Variants in CELF4 observed in about 807,000 individuals in gnomAD.
CELF4 encodes CUG-BP- and ETR-3-like factor 4.
CELF4 carries 18 observed loss-of-function variants against 59.9 expected under a neutral mutation model. The ratio of observed to expected loss-of-function variants is 0.30; its 90% CI spans 0.21 to 0.45. The LOEUF is 0.45. Among genes scored for constraint, CELF4 ranks in the 20% least tolerant of loss-of-function variants. The pLI, the probability that CELF4 is intolerant of heterozygous loss-of-function variation, is 1.00. For synonymous variants in CELF4, 261 were observed against 267.1 expected (o/e 0.98, Z 0.22); for missense variants, 456 against 689.0 (o/e 0.66, Z 3.79).
intron 1 of CELF4, among the ~76,000 whole-genome samples, chr18:37,551,849 C>A (rs1490728790): frequency 6.6e-6 from 1 of 152,306 alleles, no homozygotes; most frequent in South Asian, 2.1e-4. Flanking sequence ...ACCCACCCAC[C>A]CATGACTGAT....
chr18:37,320,443 G>A (rs1020809641), intron 3 of CELF4, among the ~76,000 whole-genome samples: 12 of 152,088 alleles, frequency 7.9e-5, no homozygotes, highest in Admixed American at 2.0e-4. Context: ...TGTCTCTGGC[G>A]GAAGAGCAGC....
chr18:37,559,970 G>T (rs888993293), intron 1 of CELF4, among the ~76,000 whole-genome samples: 1 of 152,120 alleles, frequency 6.6e-6, no homozygotes, highest in Non-Finnish European at 1.5e-5. Flanking sequence ...TTTCCTTTGC[G>T]TTGTTTTATG....
At chr18:37,446,440 G>A (rs1427869712) in intron 2 of CELF4, among the ~76,000 whole-genome samples, 1 of 152,082 alleles carries the variant, frequency 6.6e-6, no homozygotes, top group African/African-American at 2.4e-5. Context: ...GGCTTGGACT[G>A]TAGTTTCCAC....
At chr18:37,322,743 C>CCCTGCCAGAGCAGG (rs1569562416) in intron 2 of CELF4, among the ~76,000 whole-genome samples, 4 of 152,218 alleles carry the variant, frequency 2.6e-5, no homozygotes, top group Non-Finnish European at 4.4e-5. Context: ...AGGAGGATCA[C>CCCTGCCAGAGCAGG]GCCAGCGGAT....
intron 12 of CELF4, among the ~76,000 whole-genome samples, chr18:37,248,261 C>G (rs1336657428): frequency 6.6e-6 from 1 of 152,214 alleles, no homozygotes; most frequent in African/African-American, 2.4e-5. Context: ...ATTCTAGAAA[C>G]ATGCCTTGGC....
chr18:37,528,375 G>T (rs965307442), intron 1 of CELF4, among the ~76,000 whole-genome samples: 1 of 152,160 alleles, frequency 6.6e-6, no homozygotes, highest in Non-Finnish European at 1.5e-5. Context: ...CGGAGATATT[G>T]ACTGTGTGTG....
intron 2 of CELF4, among the ~76,000 whole-genome samples, chr18:37,449,562 G>A (rs2099757409): frequency 6.6e-6 from 1 of 152,148 alleles, no homozygotes; most frequent in Non-Finnish European, 1.5e-5. Context: ...CCCTGCTCCT[G>A]AAGCACACGG....
chr18:37,365,332 G>A (rs1237474738), intron 2 of CELF4, among the ~76,000 whole-genome samples: 3 of 152,182 alleles, frequency 2.0e-5, no homozygotes, highest in Non-Finnish European at 2.9e-5. Context: ...TACCAAGCCC[G>A]ATGGAGTGAA....
chr18:37,463,367 C>T lies in CELF4; in HGVS notation c.369+22158G>A, dbSNP rs141351066. On this transcript the variant is annotated intron_variant, in intron 2 of 12. Transcript: ENST00000420428. ...CCCTTGCTGGGCCCTCAGAGGCACC[C>T]GACATATTTGTGGACTGTGTCAGGT... is the stretch of plus-strand genomic sequence containing the variant. Among the ~76,000 whole-genome samples, 28 of 152,194 alleles carry T rather than the reference C, an allele frequency of 1.8e-4. No individual in the cohort carries two copies. In the East Asian group the frequency reaches 4.3e-3, roughly 23 times the overall value.
At chr18:37,353,233 A>AAAAAATATATAT (rs71168258) in intron 2 of CELF4, among the ~76,000 whole-genome samples, 142 of 106,932 alleles carry the variant, frequency 1.3e-3, no homozygotes, top group Middle Eastern at 4.5e-3. Flanking sequence ...AAAAAAAAAA[A>AAAAAATATATAT]ATATATATAT....
chr18:37,331,473 G>A (rs774497673), intron 2 of CELF4, among the ~76,000 whole-genome samples: 23 of 152,186 alleles, frequency 1.5e-4, no homozygotes, highest in Non-Finnish European at 3.1e-4. Context: ...CAGGCTCCGA[G>A]TATGATAATG....
chr18:37,524,779 C>T (rs984883162), intron 1 of CELF4, among the ~76,000 whole-genome samples: 53 of 152,274 alleles, frequency 3.5e-4, no homozygotes, highest in African/African-American at 1.2e-3. Context: ...CCGCAGGCCG[C>T]TGGGGTGCGC....
chr18:37,297,966 T>A (rs1367197313), intron 3 of CELF4, among the ~76,000 whole-genome samples: 1 of 152,146 alleles, frequency 6.6e-6, no homozygotes, highest in East Asian at 1.9e-4. Context: ...GAAGCAGGAG[T>A]CCCTTGGCCA....
intron 1 of CELF4, among the ~76,000 whole-genome samples, chr18:37,556,337 G>A (rs2099984784): frequency 6.6e-6 from 1 of 152,168 alleles, no homozygotes; most frequent in African/African-American, 2.4e-5. Flanking sequence ...AGTTAATTCA[G>A]CTCTACTTTC....
At chr18:37,284,519 C>T (rs918814657) in intron 3 of CELF4, among the ~76,000 whole-genome samples, 2 of 152,126 alleles carry the variant, frequency 1.3e-5, no homozygotes, top group Admixed American at 6.6e-5. Context: ...CCCATGGCTG[C>T]TCCTGTGGCC....
chr18:37,369,091 C>A (rs1430973706), intron 2 of CELF4, among the ~76,000 whole-genome samples: 1 of 152,126 alleles, frequency 6.6e-6, no homozygotes, highest in Non-Finnish European at 1.5e-5. Flanking sequence ...GAGATGCTTC[C>A]CCAGGGAGAT....
At chr18:37,409,939 C>T (rs918934533) in intron 2 of CELF4, among the ~76,000 whole-genome samples, 5 of 152,220 alleles carry the variant, frequency 3.3e-5, no homozygotes, top group African/African-American at 1.2e-4. Flanking sequence ...GGGCCAGGCA[C>T]ACCCACTGGG....
chr18:37,535,542 G>A (rs73435314), intron 1 of CELF4, among the ~76,000 whole-genome samples: 30 of 152,320 alleles, frequency 2.0e-4, no homozygotes, highest in African/African-American at 6.7e-4. Flanking sequence ...GTAGCAGGAA[G>A]AGTTCACGTA....
rs142446683 is a variant in CELF4 at position 37,470,890 on chromosome 18, CAGAGAGAG to C, written c.369+14627_369+14634del. Reference sequence around the variant, plus strand: ...TGTGTGTGTGTGTGTGTGTGTGTGACAGAGAGAGAGAGAGAGAGAGAGAGAGAGAGGTG... The same window carrying C: ...TGTGTGTGTGTGTGTGTGTGTGTGACAGAGAGAGAGAGAGAGAGAGAGGTG... On this transcript the variant is annotated intron_variant, in intron 2 of 12. Transcript: ENST00000420428. 4.0e-4 allele frequency among the ~76,000 whole-genome samples: 38 copies of C among 95,010 alleles called. 1 individual carries two copies. The highest frequency in any genetic ancestry group is 1.4e-3 in the South Asian group (3 of 2,148). The allele number at this position is 95,010 out of a possible 152,430, so 62.3% of individuals were successfully genotyped here.
Sources: allele counts gnomAD v4.1 joint callset (sites outside exome capture counted in the v4.1 genomes callset), GRCh38; gene constraint gnomAD v4.1.1; transcripts MANE v1.5; gene names NCBI Gene and HGNC (gene_info 2026-07-23, HGNC 2026-07-21).